PJA2: variants seen among roughly 807,000 people sequenced by gnomAD.
PJA2 encodes praja ring finger ubiquitin ligase 2.
In PJA2, 25 loss-of-function variants were observed where a neutral mutation model predicts 69.3. The observed-to-expected ratio is 0.36, with a 90% CI of 0.26 to 0.50. The LOEUF is 0.50. Among genes scored for constraint, PJA2 ranks in the 20% least tolerant of loss-of-function variants. The pLI is 0.96. For missense variants in PJA2, 809 were observed against 830.2 expected (o/e 0.97, Z 0.31); for synonymous variants, 308 against 277.8 (o/e 1.11, Z -1.08).
intron 1 of PJA2, among the ~76,000 whole-genome samples, chr5:109,387,021 ACTTTTT>A (rs1281473223): frequency 6.6e-6 from 1 of 151,952 alleles, no homozygotes; most frequent in Non-Finnish European, 1.5e-5. Context: ...TTTCCTCACT[ACTTTTT>A]CTTTATTTGG....
chr5:109,387,816 T>TA (rs1420965971), intron 1 of PJA2, among the ~76,000 whole-genome samples: 2 of 51,230 alleles, frequency 3.9e-5, no homozygotes, highest in African/African-American at 1.6e-4. Flanking sequence ...ACTAGTGAAT[T>TA]TAAAGACAAA....
intron 2 of PJA2, among the ~76,000 whole-genome samples, chr5:109,382,835 G>C (rs113103939): frequency 5.0e-5 from 7 of 139,094 alleles, no homozygotes; most frequent in African/African-American, 1.9e-4. Flanking sequence ...GTGACAGTTC[G>C]AAACTCCATC....
rs778468926 is a variant in PJA2, at chr5:109,378,375, T to C, written c.1112A>G (p.His371Arg). ...TGGTGGATCCAAGAACATACAGTCA[T>C]GCTCTCCATCATATTCTTCACATTT... is the stretch of plus-strand genomic sequence containing the variant. ...LIKCEEYDGE[H>R]DCMFLDPPYS... The change falls in exon 4 of 10, where the codon CAT becomes CGT. Residue 371 changes from histidine to arginine, a missense_variant. Physicochemically the swap from His to Arg is conservative, Grantham distance 29. This residue lies in a region of PJA2 where 700 missense variants were observed against 639.5 expected (regional missense o/e 1.09). Coordinates refer to ENST00000361189, the MANE Select transcript of PJA2 (RefSeq NM_014819.5). 1.5e-5 allele frequency: 24 copies of C among 1,614,064 alleles called. No individual in the cohort carries two copies. Among genetic ancestry groups the C allele is most frequent in the Admixed American group, 3.3e-5 (2 of 60,004 alleles).
intron 5 of PJA2, among the ~76,000 whole-genome samples, chr5:109,363,264 CAAAT>C (rs2126998890): frequency 6.6e-6 from 1 of 152,258 alleles, no homozygotes; most frequent in East Asian, 1.9e-4. Flanking sequence ...ATTTGATTTA[CAAAT>C]TATCTATGCT....
At chr5:109,366,251 T>C (rs1762584194) in intron 5 of PJA2, among the ~76,000 whole-genome samples, 1 of 152,138 alleles carries the variant, frequency 6.6e-6, no homozygotes, top group African/African-American at 2.4e-5. Context: ...GAAAATAAAA[T>C]CCAGGTTAGA....
At chr5:109,340,107 A>G (rs1170907167) in intron 9 of PJA2, among the ~76,000 whole-genome samples, 2 of 152,224 alleles carry the variant, frequency 1.3e-5, no homozygotes, top group Non-Finnish European at 2.9e-5. Context: ...GAAGACTGCT[A>G]GCTGGTCTTT....
At chr5:109,371,924 G>A (rs1209450591) in intron 4 of PJA2, among the ~76,000 whole-genome samples, 1 of 152,146 alleles carries the variant, frequency 6.6e-6, no homozygotes, top group Non-Finnish European at 1.5e-5. Context: ...TACAACAACA[G>A]TATTTAATAG....
intron 6 of PJA2, among the ~76,000 whole-genome samples, chr5:109,358,312 TCCC>T (rs1218100781): frequency 6.6e-6 from 1 of 152,188 alleles, no homozygotes; most frequent in Non-Finnish European, 1.5e-5. Flanking sequence ...GCCCAACCTA[TCCC>T]TTTATTTTGG....
rs373243278 is a variant in PJA2, at chr5:109,355,891, T to C, written c.1764+24A>G. ...ATTTTGTATCCCATCAACTTATATATGGAGATCAGAGTTATGAACATACCT... is the reference window on the plus strand; with the variant it reads ...ATTTTGTATCCCATCAACTTATATACGGAGATCAGAGTTATGAACATACCT... On this transcript the variant is annotated intron_variant, in intron 7 of 9. Coordinates refer to ENST00000361189, the MANE Select transcript of PJA2 (RefSeq NM_014819.5). The C allele has an allele frequency of 1.6e-3, 2,483 of 1,506,382 alleles. 9 individuals carry two copies. Among genetic ancestry groups the C allele is most frequent in the Non-Finnish European group, 2.1e-3 (2,267 of 1,088,918 alleles). 93.3% of individuals were successfully genotyped at this position (1,506,382 alleles called of 1,614,324 possible).
chr5:109,348,806 T>G (rs75802622), intron 7 of PJA2, among the ~76,000 whole-genome samples: 4,644 of 152,312 alleles, frequency 0.03, 95 homozygotes, highest in Middle Eastern at 0.048. Flanking sequence ...AAAGAAGTTA[T>G]AGCTATCATT....
rs1561352597 is a variant in PJA2 at position 109,368,726 on chromosome 5, T to G, written c.1304A>C (p.Glu435Ala). ...DEDSSECSDGEWSASLPHRFS... is the reference protein window; with the variant it reads ...DEDSSECSDGAWSASLPHRFS... ...TCGATGAGGCAAAGAAGCAGACCAT[T>G]CCCCATCACTGCATTCAGAACTGCA... Residue 435 changes from glutamate (E) to alanine (A), a missense_variant, in exon 5 of 10, where the codon GAA becomes GCA. Transcript: ENST00000361189. 2 of 1,613,246 alleles carry G rather than the reference T, an allele frequency of 1.2e-6. No individual in the cohort carries two copies. The highest frequency in any genetic ancestry group is 1.7e-6 in the Non-Finnish European group (2 of 1,179,744).
chr5:109,357,652 C>T (rs1762435079), intron 6 of PJA2, among the ~76,000 whole-genome samples: 1 of 152,216 alleles, frequency 6.6e-6, no homozygotes, highest in African/African-American at 2.4e-5. Flanking sequence ...CCACAGTAGA[C>T]ATTCAAGTAA....
intron 1 of PJA2, among the ~76,000 whole-genome samples, chr5:109,396,422 C>CTTTTTTT (rs35744917): frequency 2.3e-5 from 2 of 85,262 alleles, no homozygotes; most frequent in Non-Finnish European, 4.5e-5. Context: ...ATGTAAAGTT[C>CTTTTTTT]TTTTTTTTTT....
intron 6 of PJA2, among the ~76,000 whole-genome samples, chr5:109,361,057 G>T (rs566626790): frequency 6.6e-6 from 1 of 151,406 alleles, no homozygotes; most frequent in Admixed American, 6.6e-5. Flanking sequence ...GAACCCGGGA[G>T]GCAGAAGTTG....
chr5:109,383,612 T>A (rs1297721930), intron 1 of PJA2, 92 bp from the exon 2 acceptor site: 4 of 495,562 alleles, frequency 8.1e-6, no homozygotes, highest in Non-Finnish European at 1.4e-5. Context: ...AGTCTTATAA[T>A]AAAACTTAGA....
At chr5:109,363,319 C>T (rs1243951587) in intron 5 of PJA2, among the ~76,000 whole-genome samples, 1 of 152,124 alleles carries the variant, frequency 6.6e-6, no homozygotes, top group Admixed American at 6.5e-5. Context: ...AAAATCCAAC[C>T]CTGACTACTT....
intron 2 of PJA2, 61 bp downstream of exon 2, chr5:109,383,342 C>G: frequency 6.7e-7 from 1 of 1,482,766 alleles, no homozygotes; most frequent in Non-Finnish European, 9.4e-7. Flanking sequence ...CTTACTGGTA[C>G]TCAAGGTACC....
At chr5:109,345,830 G>T (rs1167631966) in intron 7 of PJA2, among the ~76,000 whole-genome samples, 1 of 152,156 alleles carries the variant, frequency 6.6e-6, no homozygotes, top group Non-Finnish European at 1.5e-5. Context: ...TCATTTACAG[G>T]TTCAAATATC....
chr5:109,371,125 C>G (rs1045268281), intron 4 of PJA2, among the ~76,000 whole-genome samples: 1 of 152,046 alleles, frequency 6.6e-6, no homozygotes, highest in Non-Finnish European at 1.5e-5. Context: ...TCACCAAAGC[C>G]TAAAATATTT....
Sources: allele counts gnomAD v4.1 joint callset (sites outside exome capture counted in the v4.1 genomes callset), GRCh38; gene constraint gnomAD v4.1.1; regional missense constraint gnomAD v4.1.1; transcripts MANE v1.5; gene names NCBI Gene and HGNC (gene_info 2026-07-23, HGNC 2026-07-21).